Variants in FRMD1 observed in about 807,000 individuals in gnomAD.
FRMD1 encodes the protein FERM domain containing 1, also known as FERM domain-containing protein 1.
Under a neutral mutation model 54.9 loss-of-function variants are expected in FRMD1, and 51 were observed. The ratio of observed to expected loss-of-function variants is 0.93; its 90% CI spans 0.74 to 1.17. The LOEUF is 1.17. Ranked by LOEUF, FRMD1 falls within the 50% of genes most tolerant of loss-of-function variation. The probability of loss-of-function intolerance (pLI) is 0.00; values close to 1 mark genes in which losing one functional copy is unlikely to be tolerated. For missense variants in FRMD1, 729 were observed against 743.0 expected, an observed-to-expected ratio of 0.98 and a Z score of 0.22; for synonymous variants, 324 against 306.4, an observed-to-expected ratio of 1.06 and a Z score of -0.60.
At position 168,055,862 on chromosome 6, in the gene FRMD1, C is replaced by T. The variant is rs1270480620; in HGVS notation, c.*1235G>A. 1 of 152,216 alleles carries T rather than the reference C, an allele frequency of 6.6e-6. No individual in the cohort carries two copies. Among genetic ancestry groups the T allele is most frequent in the Non-Finnish European group, 1.5e-5 (1 of 68,058 alleles). The allele number at this position is 152,216 out of a possible 1,614,324, so 9.4% of individuals were successfully genotyped here. A position where few individuals can be genotyped will look rare whatever the true frequency, so the allele number is the denominator to read the frequency against. On this transcript the variant is annotated 3_prime_UTR_variant, in exon 11 of 11. Transcript: ENST00000283309. ...GGGGCACACACACGATTCCCTTTCA[C>T]AGAAAGGAGAGGGTCCCCCTGGATG...
intron 7 of FRMD1, 139 bp downstream of exon 7, chr6:168,062,755 G>GGC: frequency 1.3e-6 from 2 of 1,576,628 alleles, no homozygotes; most frequent in Non-Finnish European, 1.7e-6. Context: ...GGACAGCAGA[G>GGC]GCAGGGCGCG....
At chr6:168,089,444 G>A (rs1162385683) in intron 1 of FRMD1, among the ~76,000 whole-genome samples, 2 of 152,250 alleles carry the variant, frequency 1.3e-5, no homozygotes, top group Non-Finnish European at 2.9e-5. Context: ...CCTTGAGAAG[G>A]CGCCTGGGGT....
rs1799878740 is a variant in FRMD1 at position 168,063,676 on chromosome 6, C to T, written c.729G>A (p.Lys243=). Residue 243 remains lysine, a synonymous_variant, in exon 6 of 11, where the codon AAG becomes AAA. Transcript: ENST00000283309. The part of the protein sequence containing the change: ...LHRERQGLSP[K]EAMLCFIQEA... ...CCTGGATGAAGCACAGCATGGCCTC[C>T]TTGGGGCTCAGGCCCTGGCGCTCAC... 6.2e-7 allele frequency: 1 copy of T among 1,613,904 alleles called. No homozygotes were observed.
intron 2 of FRMD1, among the ~76,000 whole-genome samples, chr6:168,072,396 C>A (rs1800352513): frequency 6.6e-6 from 1 of 152,230 alleles, no homozygotes; most frequent in Admixed American, 6.5e-5. Flanking sequence ...CCCGTGGTCG[C>A]CTTGCGAACC....
At chr6:168,075,861 A>C in intron 1 of FRMD1, 3 of 1,420,540 alleles carry the variant, frequency 2.1e-6, no homozygotes, top group Non-Finnish European at 2.8e-6. Context: ...CCGTGTCCAC[A>C]TTTCCGGTGC....
rs1206191288 is a variant in FRMD1 at position 168,055,538 on chromosome 6, A to G, written c.*1559T>C. The G allele has an allele frequency of 2.0e-5, 3 of 152,198 alleles. No homozygotes were observed. The highest frequency in any genetic ancestry group is 4.4e-5 in the Non-Finnish European group (3 of 68,070). The allele number at this position is 152,198 out of a possible 1,614,324, so 9.4% of individuals were successfully genotyped here. A position where few individuals can be genotyped will look rare whatever the true frequency, so the allele number is the denominator to read the frequency against. ...CTTGCTTCCAAGTTTCTTCAAAGGAAGAAGATAGTCATTGCCCCGGAGCGG... is the reference window on the plus strand; with the variant it reads ...CTTGCTTCCAAGTTTCTTCAAAGGAGGAAGATAGTCATTGCCCCGGAGCGG... On this transcript the variant is annotated 3_prime_UTR_variant, in exon 11 of 11. Coordinates refer to ENST00000283309, the MANE Select transcript of FRMD1 (RefSeq NM_024919.6).
intron 2 of FRMD1, among the ~76,000 whole-genome samples, chr6:168,073,989 C>T (rs1800434916): frequency 6.6e-6 from 1 of 152,070 alleles, no homozygotes; most frequent in Non-Finnish European, 1.5e-5. Context: ...TCTGTCCATG[C>T]CCCATGTAGC....
At chr6:168,088,055 T>G (rs1309258078) in intron 1 of FRMD1, among the ~76,000 whole-genome samples, 1 of 152,090 alleles carries the variant, frequency 6.6e-6, no homozygotes, top group East Asian at 1.9e-4. Context: ...GCTCTCTCCC[T>G]CTGGTTCCGA....
At chr6:168,073,448 C>T (rs1800408796) in intron 2 of FRMD1, among the ~76,000 whole-genome samples, 3 of 152,162 alleles carry the variant, frequency 2.0e-5, no homozygotes, top group Admixed American at 2.0e-4. Context: ...CCTGCTGGAC[C>T]CCATCTTATT....
upstream of FRMD1, chr6:168,081,880 T>C (rs1281344423): frequency 4.4e-6 from 1 of 229,294 alleles, no homozygotes; most frequent in African/African-American, 2.3e-5. Context: ...TTATGAAACA[T>C]TTCGCTTTAG....
rs564231859 is a variant in FRMD1, at chr6:168,075,791, A to G, written c.214-456T>C. On this transcript the variant is annotated intron_variant, in intron 1 of 10. Coordinates refer to ENST00000283309, the MANE Select transcript of FRMD1 (RefSeq NM_024919.6). Reference sequence around the variant, plus strand: ...GATCCCAACAGTGTTCCTACAGCTGAGCCTCTCACGGCAGCCTCTAAACAC... The same window carrying G: ...GATCCCAACAGTGTTCCTACAGCTGGGCCTCTCACGGCAGCCTCTAAACAC... 8.8e-5 allele frequency: 137 copies of G among 1,550,586 alleles called. 1 individual carries two copies. The East Asian group carries it at 2.7e-3, about 30-fold the overall frequency.
At chr6:168,068,961 G>C (rs1328346035) in intron 2 of FRMD1, among the ~76,000 whole-genome samples, 1 of 152,232 alleles carries the variant, frequency 6.6e-6, no homozygotes, top group Admixed American at 6.5e-5. Flanking sequence ...GACGGCGTTA[G>C]ACCCAGGGGG....
chr6:168,067,123 G>C, intron 3 of FRMD1: 1 of 703,942 alleles, frequency 1.4e-6, no homozygotes, highest in Non-Finnish European at 2.6e-6. Flanking sequence ...CCCTCTGGAC[G>C]GAGCAGCTGC....
intron 2 of FRMD1, among the ~76,000 whole-genome samples, chr6:168,070,674 T>C (rs1800263704): frequency 6.6e-6 from 1 of 152,242 alleles, no homozygotes; most frequent in Non-Finnish European, 1.5e-5. Flanking sequence ...TCTCCCTCTA[T>C]GTATCTATAC....
Position 168,061,834 on chromosome 6 carries a change from G to A in FRMD1, c.1018C>T (p.Gln340Ter), listed in dbSNP as rs1799751644. ...TCTGCCTCCTCCCGCTGCCGCAGCT[G>A]TTGCAGAGTGGGCCGCACGCGGAGG... ...LHLRVRPTLQ[Q>*]LRQREEAEEK... is the part of the protein sequence containing the mutation. Residue 340 changes from glutamine to a stop codon, truncating the protein, a stop_gained, in exon 8 of 11, where the codon CAG becomes TAG. Transcript: ENST00000283309. LOFTEE classifies it high-confidence loss of function. 2 of 1,569,142 alleles carry A rather than the reference G, an allele frequency of 1.3e-6. No homozygotes were observed. Among genetic ancestry groups the A allele is most frequent in the South Asian group, 1.2e-5 (1 of 85,454 alleles).
chr6:168,057,233 T>C lies in FRMD1; in HGVS notation c.1514A>G (p.His505Arg). 2 of 1,610,392 alleles carry C rather than the reference T, an allele frequency of 1.2e-6. No homozygotes were observed. The highest frequency in any genetic ancestry group is 2.2e-5 in the East Asian group (1 of 44,764). Residue 505 changes from histidine to arginine, a missense_variant, in exon 11 of 11, where the codon CAT becomes CGT. Transcript: ENST00000283309. ...ALHPAPTSLSHTFHRALDCRL... is the reference protein window; with the variant it reads ...ALHPAPTSLSRTFHRALDCRL... Reference sequence around the variant, plus strand: ...GCAGTCCAGGGCGCGGTGGAAGGTATGGCTGAGTGAGGTGGGCGCTGGGTG... The same window carrying C: ...GCAGTCCAGGGCGCGGTGGAAGGTACGGCTGAGTGAGGTGGGCGCTGGGTG...
At chr6:168,084,287 G>T (rs2115028884), upstream of FRMD1, among the ~76,000 whole-genome samples, 1 of 152,356 alleles carries the variant, frequency 6.6e-6, no homozygotes, top group East Asian at 1.9e-4. Context: ...AGGATTAGGA[G>T]CCTCCAGGGC....
Position 168,057,295 on chromosome 6 carries a change from A to C in FRMD1, c.1452T>G (p.His484Gln). ...TAGVSEEQHSHGLDDMQLHQL... is the reference protein window; with the variant it reads ...TAGVSEEQHSQGLDDMQLHQL... ...GGTGCAGCTGCATGTCGTCCAGGCC[A>C]TGGCTGTGCTGCTCCTCACTGACCC... The change falls in exon 11 of 11, where the codon CAT (histidine) becomes CAG (glutamine). Residue 484 changes from histidine (H) to glutamine (Q), a missense_variant. Coordinates refer to ENST00000283309, the MANE Select transcript of FRMD1 (RefSeq NM_024919.6). The C allele has an allele frequency of 1.2e-6, 2 of 1,612,376 alleles. No individual in the cohort carries two copies. The highest frequency in any genetic ancestry group is 1.7e-6 in the Non-Finnish European group (2 of 1,179,766).
intron 8 of FRMD1, 126 bp from the exon 9 acceptor site, chr6:168,061,183 G>C: frequency 1.1e-6 from 1 of 946,218 alleles, no homozygotes. Context: ...AACAGGCAGG[G>C]AGACCAGGCC....
Sources: allele counts gnomAD v4.1 joint callset (sites outside exome capture counted in the v4.1 genomes callset), GRCh38; gene constraint gnomAD v4.1.1; transcripts MANE v1.5; gene names NCBI Gene and HGNC (gene_info 2026-07-23, HGNC 2026-07-21).